The following GTF2F2 variants were observed in gnomAD, a reference collection of about 807,000 sequenced individuals.
The protein encoded by GTF2F2 is general transcription factor IIF subunit 2, also known as ATP-dependent helicase GTF2F2.
Under a neutral mutation model 42.2 loss-of-function variants are expected in GTF2F2, and 23 were observed. That is an observed-to-expected ratio of 0.55 (90% CI 0.39 to 0.77). The LOEUF (loss-of-function observed/expected upper bound fraction) is 0.77, where lower values mean the gene tolerates loss of function less well. Ranked by LOEUF, GTF2F2 falls within the 30% of genes least tolerant of loss-of-function variation. The pLI is 0.00. For missense variants in GTF2F2, 261 were observed against 287.2 expected (o/e 0.91, Z 0.66); for synonymous variants, 105 against 100.8 (o/e 1.04, Z -0.25).
intron 4 of GTF2F2, among the ~76,000 whole-genome samples, chr13:45,179,333 G>C (rs1265245329): frequency 6.6e-6 from 1 of 152,158 alleles, no homozygotes; most frequent in Non-Finnish European, 1.5e-5. Context: ...GAAATTAGGT[G>C]ATCATTACAG....
At chr13:45,165,864 A>AGT (rs1346649830) in intron 4 of GTF2F2, among the ~76,000 whole-genome samples, 1 of 125,670 alleles carries the variant, frequency 8.0e-6, no homozygotes, top group Non-Finnish European at 1.6e-5. Context: ...CCCAGGCTGG[A>AGT]GTGCAGTGGT....
chr13:45,154,224 C>G (rs1870644063), intron 4 of GTF2F2, among the ~76,000 whole-genome samples: 1 of 152,000 alleles, frequency 6.6e-6, no homozygotes, highest in South Asian at 2.1e-4. Flanking sequence ...AGATTTTTTA[C>G]ATCTTATTAA....
At chr13:45,194,462 T>A (rs750585917) in intron 4 of GTF2F2, 1 of 1,614,136 alleles carries the variant, frequency 6.2e-7, no homozygotes, top group Admixed American at 1.7e-5. Context: ...ACGTTGAGGG[T>A]CATCAGTGTG....
chr13:45,196,628 G>A (rs191235609), intron 4 of GTF2F2, among the ~76,000 whole-genome samples: 2 of 152,264 alleles, frequency 1.3e-5, no homozygotes, highest in Non-Finnish European at 2.9e-5. Flanking sequence ...GAACTTTATA[G>A]GATACCAGAA....
intron 7 of GTF2F2, among the ~76,000 whole-genome samples, chr13:45,278,904 A>G (rs1288618014): frequency 4.3e-5 from 6 of 139,230 alleles, no homozygotes; most frequent in Non-Finnish European, 9.1e-5. Context: ...GCTCACTACA[A>G]CCTCCACCTC....
chr13:45,212,006 A>G (rs1873669052), intron 5 of GTF2F2, among the ~76,000 whole-genome samples: 1 of 152,102 alleles, frequency 6.6e-6, no homozygotes, highest in Non-Finnish European at 1.5e-5. Context: ...ATGCGCACGC[A>G]CACACACAGT....
chr13:45,172,666 T>C (rs571728758), intron 4 of GTF2F2, among the ~76,000 whole-genome samples: 1 of 152,328 alleles, frequency 6.6e-6, no homozygotes, highest in African/African-American at 2.4e-5. Context: ...TTCTTTTCCA[T>C]GCAGCTATCC....
intron 4 of GTF2F2, among the ~76,000 whole-genome samples, chr13:45,175,001 ATTG>A (rs1297361088): frequency 6.6e-6 from 1 of 152,150 alleles, no homozygotes; most frequent in Non-Finnish European, 1.5e-5. Context: ...GCACTAAATT[ATTG>A]TTAACTATAG....
intron 5 of GTF2F2, among the ~76,000 whole-genome samples, chr13:45,247,538 G>A (rs1593516970): frequency 6.6e-6 from 1 of 151,468 alleles, no homozygotes; most frequent in Non-Finnish European, 1.5e-5. Flanking sequence ...GAGTACAGGT[G>A]TGTGCCACCA....
intron 2 of GTF2F2, among the ~76,000 whole-genome samples, chr13:45,146,202 G>C (rs1870185339): frequency 1.3e-5 from 2 of 151,996 alleles, no homozygotes. Flanking sequence ...GTATGAATAG[G>C]AATTAAAACA....
At chr13:45,146,977 A>G (rs574783481) in intron 2 of GTF2F2, among the ~76,000 whole-genome samples, 2 of 152,354 alleles carry the variant, frequency 1.3e-5, no homozygotes, top group African/African-American at 2.4e-5. Context: ...TTCTTTTAAA[A>G]TAAGTTTTAA....
intron 1 of GTF2F2, among the ~76,000 whole-genome samples, chr13:45,132,650 G>GA (rs1869425176): frequency 6.6e-6 from 1 of 152,146 alleles, no homozygotes; most frequent in Non-Finnish European, 1.5e-5. Flanking sequence ...ACATAACAGG[G>GA]AAAGAAATTC....
chr13:45,211,267 C>T (rs1267908833), intron 5 of GTF2F2, among the ~76,000 whole-genome samples: 3 of 151,918 alleles, frequency 2.0e-5, no homozygotes, highest in East Asian at 1.9e-4. Context: ...ATTGTAAGAA[C>T]GGTACCAAGG....
chr13:45,249,744 A>G (rs1316755027), intron 5 of GTF2F2, among the ~76,000 whole-genome samples: 1 of 152,182 alleles, frequency 6.6e-6, no homozygotes, highest in African/African-American at 2.4e-5. Flanking sequence ...AACAGGGAAG[A>G]TAATTTAGCG....
chr13:45,226,215 ATTACC>A (rs748718993), intron 5 of GTF2F2, among the ~76,000 whole-genome samples: 25 of 152,292 alleles, frequency 1.6e-4, no homozygotes, highest in Middle Eastern at 3.4e-3. Flanking sequence ...ATGTGACTGT[ATTACC>A]TAACCAAAAG....
At chr13:45,180,143 C>CT (rs1267332502) in intron 4 of GTF2F2, among the ~76,000 whole-genome samples, 1 of 152,136 alleles carries the variant, frequency 6.6e-6, no homozygotes, top group African/African-American at 2.4e-5. Context: ...GCTGTAAAGA[C>CT]TAACATTCCA....
At chr13:45,230,799 G>A (rs1024003171) in intron 5 of GTF2F2, among the ~76,000 whole-genome samples, 1 of 152,166 alleles carries the variant, frequency 6.6e-6, no homozygotes, top group Non-Finnish European at 1.5e-5. Context: ...CTACTAAAAT[G>A]TAAGAATATC....
chr13:45,275,338 A>G (rs1456647579), intron 7 of GTF2F2, among the ~76,000 whole-genome samples: 1 of 152,014 alleles, frequency 6.6e-6, no homozygotes, highest in Non-Finnish European at 1.5e-5. Context: ...GTTCTAGGGT[A>G]CATGTGCACA....
intron 5 of GTF2F2, among the ~76,000 whole-genome samples, chr13:45,224,610 T>TA (rs1461003542): frequency 3.3e-5 from 5 of 152,356 alleles, no homozygotes; most frequent in African/African-American, 1.2e-4. Flanking sequence ...TCACTTGGTC[T>TA]TTGTTGTTAA....
Sources: allele counts gnomAD v4.1 joint callset (sites outside exome capture counted in the v4.1 genomes callset), GRCh38; gene constraint gnomAD v4.1.1; transcripts MANE v1.5; gene names NCBI Gene and HGNC (gene_info 2026-07-23, HGNC 2026-07-21).